Variants in CPXM2 observed in about 807,000 individuals in gnomAD.
CPXM2 encodes inactive carboxypeptidase-like protein X2.
CPXM2 carries 66 observed loss-of-function variants against 86.1 expected under a neutral mutation model. That is an observed-to-expected ratio of 0.77 (90% CI 0.63 to 0.94). CPXM2 has a LOEUF of 0.94. Among genes scored for constraint, CPXM2 ranks in the 40% least tolerant of loss-of-function variants. CPXM2 has a pLI of 0.00. For missense variants in CPXM2, 948 were observed against 1,026.3 expected, an observed-to-expected ratio of 0.92 and a Z score of 1.04; for synonymous variants, 388 against 400.2, an observed-to-expected ratio of 0.97 and a Z score of 0.36.
At chr10:123,789,187 AC>A (rs1311656701) in intron 6 of CPXM2, among the ~76,000 whole-genome samples, 4 of 152,198 alleles carry the variant, frequency 2.6e-5, no homozygotes, top group African/African-American at 9.7e-5. Flanking sequence ...GAGCAAGGCC[AC>A]GAGAGACCCA....
chr10:123,918,744 G>C (rs1444151960), intron 2 of CPXM2, among the ~76,000 whole-genome samples: 2 of 152,188 alleles, frequency 1.3e-5, no homozygotes, highest in Non-Finnish European at 2.9e-5. Context: ...TTCAGCAGCA[G>C]TGGTCATGGA....
In CPXM2 at chr10:123,757,970, TTGTA is replaced by T. The variant is rs554305174; in HGVS notation, c.1778-622_1778-619del. Among the ~76,000 whole-genome samples, 196 of 152,240 alleles carry T rather than the reference TTGTA, an allele frequency of 1.3e-3. 1 individual carries two copies. The highest frequency in any genetic ancestry group is 4.5e-3 in the African/African-American group (186 of 41,558). ...AAGGGGAAGAATAGTACCCAGGACC[TTGTA>T]TGTGTCTGGAAAGGGCCAGAGTCAG... On this transcript the variant is annotated intron_variant, in intron 11 of 13. Coordinates refer to ENST00000241305, the MANE Select transcript of CPXM2 (RefSeq NM_198148.3).
At chr10:123,842,821 G>A (rs978275516) in intron 3 of CPXM2, among the ~76,000 whole-genome samples, 26 of 152,200 alleles carry the variant, frequency 1.7e-4, no homozygotes, top group Non-Finnish European at 1.0e-4. Context: ...TGCTGGGGAC[G>A]CAAAGGTGAA....
At chr10:123,820,269 T>A (rs1216598074) in intron 4 of CPXM2, among the ~76,000 whole-genome samples, 1 of 152,174 alleles carries the variant, frequency 6.6e-6, no homozygotes, top group Admixed American at 6.5e-5. Context: ...TCCCACATCA[T>A]GTGTCTGGAG....
intron 2 of CPXM2, among the ~76,000 whole-genome samples, chr10:123,916,977 G>T (rs979199842): frequency 1.3e-5 from 2 of 152,072 alleles, no homozygotes; most frequent in Admixed American, 1.3e-4. Context: ...GTTTGCTGGA[G>T]GGGGTGAGTA....
intron 4 of CPXM2, among the ~76,000 whole-genome samples, chr10:123,827,144 A>C (rs1453133173): frequency 6.6e-6 from 1 of 152,224 alleles, no homozygotes; most frequent in African/African-American, 2.4e-5. Context: ...CAAAACATCA[A>C]GAAATTAGAA....
Position 123,804,963 on chromosome 10 carries a change from A to C in CPXM2, c.654-5764T>G, listed in dbSNP as rs146664096. 6.0e-3 allele frequency among the ~76,000 whole-genome samples: 908 copies of C among 152,216 alleles called. 9 individuals carry two copies. The highest frequency in any genetic ancestry group is 0.02 in the African/African-American group (838 of 41,536). The stretch of plus-strand genomic sequence containing the variant: ...TCGACTGTGTAAGAACTCAGTTTTC[A>C]TACTCATTATCTCCAAGTTCTACGT... On this transcript the variant is annotated intron_variant, in intron 4 of 13. Transcript: ENST00000241305.
Position 123,757,200 on chromosome 10 carries a change from A to C in CPXM2, c.1917+13T>G. The C allele has an allele frequency of 6.2e-7, 1 of 1,611,812 alleles. No homozygotes were observed. The highest frequency in any genetic ancestry group is 2.2e-5 in the East Asian group (1 of 44,818). ...CTAGTCCCCCTCATCCCAGCCACAC[A>C]CCCGCAATATACCTGCTCCATGAAC... On this transcript the variant is annotated intron_variant, in intron 12 of 13. Transcript: ENST00000241305.
At chr10:123,845,170 T>C (rs1359952695) in intron 3 of CPXM2, among the ~76,000 whole-genome samples, 1 of 151,706 alleles carries the variant, frequency 6.6e-6, no homozygotes, top group Non-Finnish European at 1.5e-5. Flanking sequence ...GTAGAGACCC[T>C]GGATTGGGGA....
intron 2 of CPXM2, among the ~76,000 whole-genome samples, chr10:123,909,595 C>G (rs79660544): frequency 0.079 from 12,055 of 152,270 alleles, 1,322 homozygotes; most frequent in African/African-American, 0.25. Context: ...GAATATTTCT[C>G]TTTCCATTGT....
intron 4 of CPXM2, among the ~76,000 whole-genome samples, chr10:123,806,846 C>T (rs959424319): frequency 4.6e-5 from 7 of 152,004 alleles, no homozygotes; most frequent in Non-Finnish European, 8.8e-5. Flanking sequence ...CCCCATGATC[C>T]GGTCACCTCC....
At chr10:123,790,710 C>G (rs374077205) in intron 6 of CPXM2, among the ~76,000 whole-genome samples, 12 of 152,218 alleles carry the variant, frequency 7.9e-5, no homozygotes, top group African/African-American at 2.4e-4. Context: ...CAGGTCTCCC[C>G]CATCGTGCCA....
At chr10:123,899,504 A>G (rs1945364635) in intron 2 of CPXM2, among the ~76,000 whole-genome samples, 1 of 152,260 alleles carries the variant, frequency 6.6e-6, no homozygotes, top group Non-Finnish European at 1.5e-5. Context: ...ATGCTCTTGC[A>G]TGGGCAACTT....
chr10:123,888,339 T>G (rs1401088051), intron 1 of CPXM2, among the ~76,000 whole-genome samples: 1 of 152,246 alleles, frequency 6.6e-6, no homozygotes. Flanking sequence ...TATATGCTTT[T>G]ATACTGTTAT....
intron 4 of CPXM2, among the ~76,000 whole-genome samples, chr10:123,834,302 G>T (rs1848231861): frequency 6.6e-6 from 1 of 152,236 alleles, no homozygotes; most frequent in South Asian, 2.1e-4. Context: ...TGTCAGGAGG[G>T]GCTGGTCACA....
intron 6 of CPXM2, among the ~76,000 whole-genome samples, chr10:123,789,271 C>T (rs1210946218): frequency 2.6e-5 from 4 of 152,222 alleles, no homozygotes; most frequent in East Asian, 1.9e-4. Context: ...TCAAACCTGC[C>T]GCCCCACAGG....
chr10:123,788,878 G>GAAA (rs11461379), intron 6 of CPXM2, among the ~76,000 whole-genome samples: 6 of 138,852 alleles, frequency 4.3e-5, no homozygotes, highest in South Asian at 2.3e-4. Flanking sequence ...CACCTTGATT[G>GAAA]AAAAAAAAAA....
At position 123,793,790 on chromosome 10, in the gene CPXM2, A is replaced by G. The variant is rs1368232100; in HGVS notation, c.889+4186T>C. On this transcript the variant is annotated intron_variant, in intron 6 of 13. Coordinates refer to ENST00000241305, the MANE Select transcript of CPXM2 (RefSeq NM_198148.3). ...TGGGGACCAAATGAACGATCAACCC[A>G]TTGCCACAAGAGGGTATTCAGACTA... 2.6e-5 allele frequency among the ~76,000 whole-genome samples: 4 copies of G among 152,154 alleles called. No homozygotes were observed. In the East Asian group the frequency reaches 7.7e-4, roughly 29 times the overall value.
At chr10:123,802,841 G>T (rs186590022) in intron 4 of CPXM2, among the ~76,000 whole-genome samples, 78 of 151,972 alleles carry the variant, frequency 5.1e-4, no homozygotes, top group African/African-American at 1.7e-3. Context: ...TTTTATTTTA[G>T]CCATTCTTGA....
Sources: allele counts gnomAD v4.1 joint callset (sites outside exome capture counted in the v4.1 genomes callset), GRCh38; gene constraint gnomAD v4.1.1; transcripts MANE v1.5; gene names NCBI Gene and HGNC (gene_info 2026-07-23, HGNC 2026-07-21).